Variants in PHACTR2 observed in about 807,000 individuals in gnomAD.
PHACTR2 encodes chromosome 6 open reading frame 56.
In PHACTR2, 30 loss-of-function variants were observed where a neutral mutation model predicts 76.0. The observed-to-expected ratio is 0.39, with a 90% CI of 0.30 to 0.54. PHACTR2 has a LOEUF of 0.54. Among genes scored for constraint, PHACTR2 ranks in the 20% least tolerant of loss-of-function variants. The pLI is 0.61. For missense variants in PHACTR2, 696 were observed against 781.1 expected, an observed-to-expected ratio of 0.89 and a Z score of 1.30; for synonymous variants, 292 against 292.5, an observed-to-expected ratio of 1.00 and a Z score of 0.02.
rs1776233269 is a variant in PHACTR2 at position 143,625,162 on chromosome 6, A to C, written c.13+16840A>C. Reference sequence around the variant, plus strand: ...TAGAGACAGAATGAGACTTCATCTCAAAAAAAAAAAGTATAGTCAAGGAAT... The same window carrying C: ...TAGAGACAGAATGAGACTTCATCTCCAAAAAAAAAAGTATAGTCAAGGAAT... On this transcript the variant is annotated intron_variant, in intron 1 of 11. Coordinates refer to the PHACTR2 transcript ENST00000305766. The surrounding 1 kb of genome is among the most constrained non-coding windows in gnomAD (Gnocchi z 4.3). 7.1e-6 allele frequency among the ~76,000 whole-genome samples: 1 copy of C among 141,478 alleles called. No individual in the cohort carries two copies. Among genetic ancestry groups the C allele is most frequent in the Non-Finnish European group, 1.6e-5 (1 of 64,446 alleles). 92.8% of individuals were successfully genotyped at this position (141,478 alleles called of 152,430 possible). A position where few individuals can be genotyped will look rare whatever the true frequency, so the allele number is the denominator to read the frequency against.
chr6:143,758,803 A>G, intron 4 of PHACTR2, among the ~76,000 whole-genome samples: 1 of 152,240 alleles, frequency 6.6e-6, no homozygotes, highest in South Asian at 2.1e-4. Flanking sequence ...GTAAAGCTTT[A>G]TTGATTACCT....
chr6:143,640,974 T>C (rs1279904284), intron 1 of PHACTR2, among the ~76,000 whole-genome samples: 4 of 152,160 alleles, frequency 2.6e-5, no homozygotes, highest in African/African-American at 9.7e-5. Context: ...GTTTTATGCT[T>C]CTGTAACAGA....
In PHACTR2 at chr6:143,547,382, T is replaced by G. The variant is rs1775014337; in HGVS notation, c.217+10175T>G. Among the ~76,000 whole-genome samples the G allele has an allele frequency of 6.6e-6, 1 of 152,252 alleles. No homozygotes were observed. The highest frequency in any genetic ancestry group is 2.4e-5 in the African/African-American group (1 of 41,460). On this transcript the variant is annotated intron_variant, in intron 1 of 11. Coordinates refer to the PHACTR2 transcript ENST00000367584. The surrounding 1 kb of genome is among the most constrained non-coding windows in gnomAD (Gnocchi z 4.2). ...TACATTTATTGTCTCCCAGCATGATTATTTTGGTGGGAATAACAATCATTT... is the reference window on the plus strand; with the variant it reads ...TACATTTATTGTCTCCCAGCATGATGATTTTGGTGGGAATAACAATCATTT...
At position 143,688,726 on chromosome 6, in the gene PHACTR2, C is replaced by T. The variant is rs1777575207; in HGVS notation, c.46+10517C>T. Among the ~76,000 whole-genome samples the T allele has an allele frequency of 6.6e-6, 1 of 152,226 alleles. No homozygotes were observed. Among genetic ancestry groups the T allele is most frequent in the Non-Finnish European group, 1.5e-5 (1 of 68,042 alleles). ...GTCCATGCTCTTCCGTCTGTCCCTACTGCCACCGTCCAAGCTCTGGGGCCA... is the reference window on the plus strand; with the variant it reads ...GTCCATGCTCTTCCGTCTGTCCCTATTGCCACCGTCCAAGCTCTGGGGCCA... On this transcript the variant is annotated intron_variant, in intron 1 of 12. Transcript: ENST00000440869. The surrounding 1 kb of genome is among the most constrained non-coding windows in gnomAD (Gnocchi z 5.2).
chr6:143,762,763 G>A (rs1331776595), intron 5 of PHACTR2, among the ~76,000 whole-genome samples: 3 of 152,004 alleles, frequency 2.0e-5, no homozygotes, highest in Non-Finnish European at 2.9e-5. Context: ...CCTAGGTATC[G>A]GTTTTAGAAC....
At chr6:143,675,880 A>G (rs1195028807), upstream of PHACTR2, among the ~76,000 whole-genome samples, 3 of 149,446 alleles carry the variant, frequency 2.0e-5, no homozygotes, top group East Asian at 1.9e-4. This position sits in a 1 kb window ranked among gnomAD's most constrained non-coding sequence, Gnocchi z 4.9. Context: ...GGGGAAAATT[A>G]TCTTAAAATT....
At chr6:143,542,269 G>T (rs1781177773) in intron 1 of PHACTR2, among the ~76,000 whole-genome samples, 1 of 152,114 alleles carries the variant, frequency 6.6e-6, no homozygotes, top group South Asian at 2.1e-4. Context: ...AAAGCCATGG[G>T]CTTCTCATCT....
rs535761977 is a variant in PHACTR2 at position 143,595,772 on chromosome 6, G to C, written c.217+58565G>C. Among the ~76,000 whole-genome samples the C allele has an allele frequency of 3.7e-4, 56 of 152,294 alleles. No individual in the cohort carries two copies. Among genetic ancestry groups the C allele is most frequent in the Non-Finnish European group, 4.7e-4 (32 of 68,014 alleles). ...AAAGTGCTGTTAGAATAAAAATAAA[G>C]AATGTTACCAGAATGTTCTACTTAA... On this transcript the variant is annotated intron_variant, in intron 1 of 11. Transcript: ENST00000367584. This position sits in a 1 kb window ranked among gnomAD's most constrained non-coding sequence, Gnocchi z 4.2.
In PHACTR2 at chr6:143,780,951, T is replaced by C. The variant is rs1385147388; in HGVS notation, c.1646-2268T>C. Reference sequence around the variant, plus strand: ...AAATACTGAGTTTAAGGTTTAAACTTGACTCTATGAGAGATTTTACAATGA... The same window carrying C: ...AAATACTGAGTTTAAGGTTTAAACTCGACTCTATGAGAGATTTTACAATGA... On this transcript the variant is annotated intron_variant, in intron 9 of 12. Coordinates refer to ENST00000440869, the MANE Select transcript of PHACTR2 (RefSeq NM_001100164.2). The surrounding 1 kb of genome is among the most constrained non-coding windows in gnomAD (Gnocchi z 4.4). Among the ~76,000 whole-genome samples, 1 of 152,232 alleles carries C rather than the reference T, an allele frequency of 6.6e-6. No individual in the cohort carries two copies. Among genetic ancestry groups the C allele is most frequent in the Non-Finnish European group, 1.5e-5 (1 of 68,036 alleles).
intron 1 of PHACTR2, among the ~76,000 whole-genome samples, chr6:143,649,166 G>A (rs1322558715): frequency 6.6e-6 from 1 of 151,944 alleles, no homozygotes; most frequent in Admixed American, 6.6e-5. Flanking sequence ...CCTCTGAAAG[G>A]GATGCCACAT....
chr6:143,642,143 A>T (rs1347920326), intron 1 of PHACTR2, among the ~76,000 whole-genome samples: 2 of 152,200 alleles, frequency 1.3e-5, no homozygotes, highest in African/African-American at 4.8e-5. Context: ...CACTGGCCTT[A>T]TACTGACACT....
intron 6 of PHACTR2, among the ~76,000 whole-genome samples, chr6:143,766,407 A>C (rs756382898): frequency 3.3e-5 from 5 of 152,226 alleles, no homozygotes; most frequent in Non-Finnish European, 5.9e-5. Flanking sequence ...GTGCCCAGCA[A>C]CCACTCCAGA....
At position 143,609,441 on chromosome 6, in the gene PHACTR2, G is replaced by T. The variant is rs116772512; in HGVS notation, c.13+1119G>T. ...GGATGAAAATGTTAGGGTGGTGGAAGAAATGAAACAAGTGTAAGGATGTGT... is the reference window on the plus strand; with the variant it reads ...GGATGAAAATGTTAGGGTGGTGGAATAAATGAAACAAGTGTAAGGATGTGT... On this transcript the variant is annotated intron_variant, in intron 1 of 11. Coordinates refer to the PHACTR2 transcript ENST00000305766. 9.0e-3 allele frequency among the ~76,000 whole-genome samples: 1,369 copies of T among 152,248 alleles called. 20 individuals are homozygous for T. Among genetic ancestry groups the T allele is most frequent in the African/African-American group, 0.029 (1,193 of 41,532 alleles).
Position 143,587,612 on chromosome 6 carries a change from T to C in PHACTR2, c.217+50405T>C, listed in dbSNP as rs143237338. Reference sequence around the variant, plus strand: ...AAGGTGAGATAGTTTTTTGTGGTCATATTCAAAAAATGAATGAGATATTTA... The same window carrying C: ...AAGGTGAGATAGTTTTTTGTGGTCACATTCAAAAAATGAATGAGATATTTA... On this transcript the variant is annotated intron_variant, in intron 1 of 11. Transcript: ENST00000367584. Among the ~76,000 whole-genome samples, 360 of 152,318 alleles carry C rather than the reference T, an allele frequency of 2.4e-3. 1 individual carries two copies. Among genetic ancestry groups the C allele is most frequent in the African/African-American group, 7.7e-3 (318 of 41,568 alleles).
Position 143,595,741 on chromosome 6 carries a change from G to C in PHACTR2, c.217+58534G>C, listed in dbSNP as rs1014896639. ...GTGGTTTTGTTGTTGTTTTTAAAGAGAGAAAAAAGTGCTGTTAGAATAAAA... is the reference window on the plus strand; with the variant it reads ...GTGGTTTTGTTGTTGTTTTTAAAGACAGAAAAAAGTGCTGTTAGAATAAAA... On this transcript the variant is annotated intron_variant, in intron 1 of 11. Coordinates refer to the PHACTR2 transcript ENST00000367584. This position sits in a 1 kb window ranked among gnomAD's most constrained non-coding sequence, Gnocchi z 4.2. Among the ~76,000 whole-genome samples the C allele has an allele frequency of 9.9e-5, 15 of 152,266 alleles. No individual in the cohort carries two copies. Among genetic ancestry groups the C allele is most frequent in the Admixed American group, 9.8e-4 (15 of 15,290 alleles).
rs951774187 is a variant in PHACTR2 at position 143,774,021 on chromosome 6, CCT to C, written c.1433-29_1433-28del. 8.2e-6 allele frequency: 13 copies of C among 1,592,942 alleles called. No homozygotes were observed. The East Asian group carries it at 9.0e-5, about 11-fold the overall frequency. ...TAACCTGAGTGCCACTGGCTAAAAG[CCT>C]CTCTCTCTGCATTTCTGCTCTTTTT... On this transcript the variant is annotated intron_variant, in intron 7 of 12. Coordinates refer to ENST00000440869, the MANE Select transcript of PHACTR2 (RefSeq NM_001100164.2). This position sits in a 1 kb window ranked among gnomAD's most constrained non-coding sequence, Gnocchi z 5.4.
rs1562273056 is a variant in PHACTR2, at chr6:143,695,843, A to G, written c.47-16173A>G. Among the ~76,000 whole-genome samples the G allele has an allele frequency of 2.0e-5, 3 of 152,230 alleles. No homozygotes were observed. The highest frequency in any genetic ancestry group is 4.4e-5 in the Non-Finnish European group (3 of 68,038). On this transcript the variant is annotated intron_variant, in intron 1 of 12. Transcript: ENST00000440869. This position sits in a 1 kb window ranked among gnomAD's most constrained non-coding sequence, Gnocchi z 4.4. Reference sequence around the variant, plus strand: ...CATGTGGAAACAACAGTAAAATGCAACTTCCTGTGTTTAGCAGCCGTAGCA... The same window carrying G: ...CATGTGGAAACAACAGTAAAATGCAGCTTCCTGTGTTTAGCAGCCGTAGCA...
chr6:143,752,664 G>A (rs935493286), intron 3 of PHACTR2, among the ~76,000 whole-genome samples: 1 of 152,084 alleles, frequency 6.6e-6, no homozygotes, highest in South Asian at 2.1e-4. Context: ...TTGTTCAGAA[G>A]GCAAATGGAT....
intron 11 of PHACTR2, among the ~76,000 whole-genome samples, chr6:143,804,786 G>A (rs1194488319): frequency 6.6e-6 from 1 of 152,070 alleles, no homozygotes; most frequent in Non-Finnish European, 1.5e-5. Flanking sequence ...AGTCAACTTC[G>A]GTGGCATTAT....
Sources: allele counts gnomAD v4.1 joint callset (sites outside exome capture counted in the v4.1 genomes callset), GRCh38; gene constraint gnomAD v4.1.1; non-coding constraint Gnocchi (gnomAD v3.1); transcripts MANE v1.5; gene names NCBI Gene and HGNC (gene_info 2026-07-23, HGNC 2026-07-21).